KCNQ3: variants seen among roughly 807,000 people sequenced by gnomAD.
KCNQ3 encodes potassium voltage-gated channel subfamily KQT member 3.
KCNQ3 carries 30 observed loss-of-function variants against 92.5 expected under a neutral mutation model. That is an observed-to-expected ratio of 0.32 (90% confidence interval 0.24 to 0.44). KCNQ3 has a LOEUF of 0.44. Ranked by LOEUF, KCNQ3 falls within the 20% of genes least tolerant of loss-of-function variation. The pLI is 1.00. For synonymous variants in KCNQ3, 450 were observed against 468.8 expected, an observed-to-expected ratio of 0.96 and a Z score of 0.52; for missense variants, 913 against 1,140.3, an observed-to-expected ratio of 0.80 and a Z score of 2.87.
intron 1 of KCNQ3, among the ~76,000 whole-genome samples, chr8:132,396,762 G>C (rs1820203432): frequency 6.6e-6 from 1 of 152,176 alleles, no homozygotes; most frequent in Admixed American, 6.5e-5. Flanking sequence ...AACAGATACA[G>C]AGAGTATCTG....
intron 1 of KCNQ3, among the ~76,000 whole-genome samples, chr8:132,285,850 G>A (rs141562052): frequency 6.6e-6 from 1 of 152,158 alleles, no homozygotes; most frequent in Non-Finnish European, 1.5e-5. Context: ...CTGGCTGACT[G>A]CCCAGGCTAC....
chr8:132,226,072 C>T (rs368340677), intron 1 of KCNQ3, among the ~76,000 whole-genome samples: 2 of 152,176 alleles, frequency 1.3e-5, no homozygotes, highest in African/African-American at 4.8e-5. Flanking sequence ...GAGATAGAGA[C>T]CATCCTGGCT....
At chr8:132,376,086 C>T (rs1302456962) in intron 1 of KCNQ3, among the ~76,000 whole-genome samples, 2 of 152,164 alleles carry the variant, frequency 1.3e-5, no homozygotes, top group African/African-American at 2.4e-5. Context: ...TCTAATTGAA[C>T]TTGCCTAGCA....
chr8:132,163,333 G>A (rs1343816280), intron 9 of KCNQ3, 135 bp downstream of exon 9: 4 of 784,150 alleles, frequency 5.1e-6, no homozygotes, highest in Admixed American at 1.8e-5. Flanking sequence ...GACTATGGTG[G>A]TCAGCAACAG....
At chr8:132,270,665 A>G (rs1816120941) in intron 1 of KCNQ3, among the ~76,000 whole-genome samples, 1 of 152,242 alleles carries the variant, frequency 6.6e-6, no homozygotes, top group Non-Finnish European at 1.5e-5. Context: ...GAGCAGCAGC[A>G]AGAGAGGCCC....
intron 9 of KCNQ3, among the ~76,000 whole-genome samples, chr8:132,154,527 C>G (rs1825747804): frequency 6.6e-6 from 1 of 152,102 alleles, no homozygotes; most frequent in African/African-American, 2.4e-5. Flanking sequence ...TATCCTTATT[C>G]TAATGGCAGT....
At chr8:132,264,919 G>C (rs1300766756) in intron 1 of KCNQ3, among the ~76,000 whole-genome samples, 2 of 152,180 alleles carry the variant, frequency 1.3e-5, no homozygotes, top group African/African-American at 4.8e-5. Context: ...TCATAAGTTA[G>C]TTGAGAACTA....
intron 1 of KCNQ3, among the ~76,000 whole-genome samples, chr8:132,354,561 G>A (rs1818964177): frequency 1.3e-5 from 2 of 152,100 alleles, no homozygotes; most frequent in African/African-American, 4.8e-5. Context: ...TCGTATTCTG[G>A]GGTCAGCACA....
intron 1 of KCNQ3, among the ~76,000 whole-genome samples, chr8:132,424,713 C>T (rs1018781222): frequency 2.0e-5 from 3 of 152,206 alleles, no homozygotes; most frequent in Non-Finnish European, 2.9e-5. Flanking sequence ...TCACTCCCTC[C>T]GAAGGCTCTA....
In KCNQ3 at chr8:132,261,266, T is replaced by C. The variant is rs745679883; in HGVS notation, c.387-75085A>G. Among the ~76,000 whole-genome samples, 30 of 152,296 alleles carry C rather than the reference T, an allele frequency of 2.0e-4. 1 individual carries two copies. The highest frequency in any genetic ancestry group is 3.7e-4 in the Non-Finnish European group (25 of 68,032). ...CTATGAAGACTGAGTTGCCTTCTTTTTGTTTTTTCATTGTCATGCTTCCTG... is the reference window on the plus strand; with the variant it reads ...CTATGAAGACTGAGTTGCCTTCTTTCTGTTTTTTCATTGTCATGCTTCCTG... On this transcript the variant is annotated intron_variant, in intron 1 of 14. Transcript: ENST00000388996.
At chr8:132,394,400 C>T (rs1184890954) in intron 1 of KCNQ3, among the ~76,000 whole-genome samples, 1 of 152,180 alleles carries the variant, frequency 6.6e-6, no homozygotes, top group Non-Finnish European at 1.5e-5. Context: ...GAACATGACT[C>T]AGTTTCCCTA....
chr8:132,169,445 G>A (rs1337649309), intron 8 of KCNQ3, among the ~76,000 whole-genome samples: 2 of 152,154 alleles, frequency 1.3e-5, no homozygotes, highest in African/African-American at 4.8e-5. Context: ...ATAGAAAAAG[G>A]TTCTTATTTT....
At chr8:132,136,862 CT>C (rs34845943) in intron 12 of KCNQ3, among the ~76,000 whole-genome samples, 3,960 of 123,272 alleles carry the variant, frequency 0.032, 36 homozygotes, top group South Asian at 0.073. Flanking sequence ...GGCTGCATAA[CT>C]TTTTTTTTTT....
At chr8:132,443,041 G>T (rs551729899) in intron 1 of KCNQ3, among the ~76,000 whole-genome samples, 1 of 152,274 alleles carries the variant, frequency 6.6e-6, no homozygotes, top group East Asian at 1.9e-4. Context: ...TCCACATGGA[G>T]AGAAATGACA....
intron 11 of KCNQ3, among the ~76,000 whole-genome samples, chr8:132,139,476 A>G (rs1825213667): frequency 6.6e-6 from 1 of 152,212 alleles, no homozygotes; most frequent in Non-Finnish European, 1.5e-5. Context: ...TCAGTTGGAG[A>G]ATTCACCTTA....
chr8:132,371,573 C>T (rs1819474515), intron 1 of KCNQ3, among the ~76,000 whole-genome samples: 1 of 152,178 alleles, frequency 6.6e-6, no homozygotes, highest in Non-Finnish European at 1.5e-5. Flanking sequence ...CACAGAAGAG[C>T]AGGATTTGTG....
chr8:132,425,004 T>G (rs957294012), intron 1 of KCNQ3, among the ~76,000 whole-genome samples: 5 of 152,220 alleles, frequency 3.3e-5, no homozygotes, highest in African/African-American at 1.2e-4. Context: ...TATGTTTTGG[T>G]TGGTCATCAG....
intron 1 of KCNQ3, among the ~76,000 whole-genome samples, chr8:132,193,406 A>C (rs952389569): frequency 3.3e-5 from 5 of 152,212 alleles, no homozygotes; most frequent in African/African-American, 1.2e-4. Flanking sequence ...CAGGGGCCTC[A>C]GGACAGGAAC....
intron 1 of KCNQ3, among the ~76,000 whole-genome samples, chr8:132,303,842 AAT>A (rs2130592377): frequency 6.7e-6 from 1 of 150,186 alleles, no homozygotes; most frequent in East Asian, 2.0e-4. Context: ...ACACACAGAA[AAT>A]ATTATATGTG....
Sources: allele counts gnomAD v4.1 joint callset (sites outside exome capture counted in the v4.1 genomes callset), GRCh38; gene constraint gnomAD v4.1.1; transcripts MANE v1.5; gene names NCBI Gene and HGNC (gene_info 2026-07-23, HGNC 2026-07-21).